The following PTPRT variants were observed in gnomAD, a reference collection of about 807,000 sequenced individuals.
The protein encoded by PTPRT is protein tyrosine phosphatase receptor type T.
PTPRT carries 56 observed loss-of-function variants against 176.8 expected under a neutral mutation model. The ratio of observed to expected loss-of-function variants is 0.32; its 90% confidence interval spans 0.26 to 0.40. The LOEUF (loss-of-function observed/expected upper bound fraction) is 0.40. PTPRT is among the 10% of genes least tolerant of loss of function. PTPRT has a pLI of 1.00. For synonymous variants in PTPRT, 783 were observed against 739.0 expected (o/e 1.06, Z -0.96); for missense variants, 1,540 against 1,908.2 (o/e 0.81, Z 3.60).
chr20:42,120,019 G>T, intron 19 of PTPRT, 48 bp from the exon 20 acceptor site: 8 of 1,527,974 alleles, frequency 5.2e-6, no homozygotes, highest in Non-Finnish European at 7.2e-6. Flanking sequence ...GTCAAAGCTT[G>T]CAAACAGCAC....
intron 7 of PTPRT, among the ~76,000 whole-genome samples, chr20:42,503,111 G>GT (rs1029252178): frequency 2.0e-5 from 3 of 151,928 alleles, no homozygotes; most frequent in East Asian, 3.9e-4. Context: ...AGTTTGGTGT[G>GT]TTTTTTTATG....
chr20:42,985,131 G>C (rs538594758), intron 1 of PTPRT, among the ~76,000 whole-genome samples: 87 of 152,232 alleles, frequency 5.7e-4, no homozygotes, highest in African/African-American at 2.0e-3. Context: ...TGAAGAGCAG[G>C]TTCAAGAGCC....
chr20:42,940,013 G>A (rs1339305378), intron 1 of PTPRT, among the ~76,000 whole-genome samples: 1 of 152,158 alleles, frequency 6.6e-6, no homozygotes, highest in East Asian at 1.9e-4. Flanking sequence ...TTTATTGAGT[G>A]TCTAGTGTGT....
At chr20:43,141,712 A>G (rs191453639) in intron 1 of PTPRT, among the ~76,000 whole-genome samples, 1 of 152,338 alleles carries the variant, frequency 6.6e-6, no homozygotes, top group East Asian at 1.9e-4. Context: ...TATCACATCA[A>G]CAGTGTATAA....
At chr20:42,282,364 C>T (rs1327389894) in intron 13 of PTPRT, 125 bp downstream of exon 13, 2 of 956,916 alleles carry the variant, frequency 2.1e-6, no homozygotes, top group Non-Finnish European at 3.2e-6. Context: ...GCAAATGACT[C>T]CGGTGAAAAT....
intron 7 of PTPRT, among the ~76,000 whole-genome samples, chr20:42,494,706 G>T (rs1020058190): frequency 8.6e-5 from 13 of 152,024 alleles, no homozygotes; most frequent in Non-Finnish European, 1.8e-4. Context: ...ACAAAAGAAA[G>T]AACTTTGTGT....
intron 9 of PTPRT, among the ~76,000 whole-genome samples, chr20:42,367,814 A>C (rs2058535406): frequency 6.6e-6 from 1 of 152,186 alleles, no homozygotes; most frequent in Non-Finnish European, 1.5e-5. Context: ...GGTCACACAG[A>C]TCTCTGTGAG....
intron 2 of PTPRT, among the ~76,000 whole-genome samples, chr20:42,799,299 T>A (rs2077496431): frequency 6.6e-6 from 1 of 151,994 alleles, no homozygotes; most frequent in Non-Finnish European, 1.5e-5. Flanking sequence ...CAAAGCAGAA[T>A]AACATGTAAA....
At chr20:42,735,116 T>C (rs941592777) in intron 6 of PTPRT, among the ~76,000 whole-genome samples, 4 of 152,238 alleles carry the variant, frequency 2.6e-5, no homozygotes, top group African/African-American at 9.6e-5. Context: ...ACTATCACTA[T>C]TAGTAACAGG....
chr20:42,431,637 T>C (rs1199434561), intron 9 of PTPRT, among the ~76,000 whole-genome samples: 1 of 152,224 alleles, frequency 6.6e-6, no homozygotes, highest in Admixed American at 6.5e-5. Flanking sequence ...AAACATTCTA[T>C]AATATTGTTA....
chr20:42,291,721 T>C (rs1350097745), intron 12 of PTPRT, among the ~76,000 whole-genome samples: 1 of 152,092 alleles, frequency 6.6e-6, no homozygotes, highest in Non-Finnish European at 1.5e-5. Flanking sequence ...CATGGTGCTG[T>C]TGAAGACATA....
At chr20:43,116,000 T>C (rs1305183831) in intron 1 of PTPRT, among the ~76,000 whole-genome samples, 1 of 152,196 alleles carries the variant, frequency 6.6e-6, no homozygotes, top group African/African-American at 2.4e-5. Context: ...CTCTGGGTAC[T>C]CACTGAAAAC....
chr20:43,024,844 C>T (rs923492974), intron 1 of PTPRT, among the ~76,000 whole-genome samples: 3 of 152,214 alleles, frequency 2.0e-5, no homozygotes, highest in African/African-American at 4.8e-5. Flanking sequence ...CTGCCAATGG[C>T]TCCAGCTTCC....
At chr20:42,955,479 G>A (rs1424878034) in intron 1 of PTPRT, among the ~76,000 whole-genome samples, 2 of 152,200 alleles carry the variant, frequency 1.3e-5, no homozygotes, top group East Asian at 1.9e-4. Context: ...ACCCTACTAA[G>A]TGCATGCCTG....
At chr20:42,266,975 A>G (rs1001905901) in intron 13 of PTPRT, among the ~76,000 whole-genome samples, 2 of 152,220 alleles carry the variant, frequency 1.3e-5, no homozygotes, top group Non-Finnish European at 2.9e-5. Flanking sequence ...AATGTAAAAT[A>G]TCTTTCATCT....
intron 7 of PTPRT, among the ~76,000 whole-genome samples, chr20:42,556,606 A>G (rs775839351): frequency 3.9e-5 from 6 of 152,120 alleles, no homozygotes; most frequent in Non-Finnish European, 8.8e-5. Flanking sequence ...AAGCTCAGAG[A>G]CATGAAGTAA....
chr20:42,388,944 C>G (rs2058772103), intron 9 of PTPRT, among the ~76,000 whole-genome samples: 1 of 152,134 alleles, frequency 6.6e-6, no homozygotes, highest in African/African-American at 2.4e-5. Flanking sequence ...TACTATGCAG[C>G]CATAAGAAAT....
chr20:42,752,995 G>C (rs1235872147), intron 6 of PTPRT, among the ~76,000 whole-genome samples: 2 of 152,126 alleles, frequency 1.3e-5, no homozygotes, highest in Non-Finnish European at 2.9e-5. Context: ...CAGGGGGTGA[G>C]GGTAGGTTAA....
At chr20:42,629,625 G>A (rs1212929515) in intron 7 of PTPRT, among the ~76,000 whole-genome samples, 1 of 152,164 alleles carries the variant, frequency 6.6e-6, no homozygotes, top group Non-Finnish European at 1.5e-5. Context: ...TTTTTCTGGG[G>A]GAGAGGGTTG....
Sources: allele counts gnomAD v4.1 joint callset (sites outside exome capture counted in the v4.1 genomes callset), GRCh38; gene constraint gnomAD v4.1.1; transcripts MANE v1.5; gene names NCBI Gene and HGNC (gene_info 2026-07-23, HGNC 2026-07-21).